SPOCK3: variants seen among roughly 807,000 people sequenced by gnomAD.
The protein encoded by SPOCK3 is SPARC (osteonectin), cwcv and kazal like domains proteoglycan 3.
SPOCK3 carries 30 observed loss-of-function variants against 56.6 expected under a neutral mutation model. The ratio of observed to expected loss-of-function variants is 0.53; its 90% CI spans 0.40 to 0.72. The LOEUF (loss-of-function observed/expected upper bound fraction) is 0.72, where lower values mean the gene tolerates loss of function less well. Ranked by LOEUF, SPOCK3 falls within the 30% of genes least tolerant of loss-of-function variation. The pLI is 0.00. For synonymous variants in SPOCK3, 196 were observed against 183.3 expected (o/e 1.07, Z -0.56); for missense variants, 527 against 530.0 (o/e 0.99, Z 0.06).
chr4:167,040,524 A>T (rs1237822020), intron 3 of SPOCK3, among the ~76,000 whole-genome samples: 1 of 152,220 alleles, frequency 6.6e-6, no homozygotes. Flanking sequence ...GCATTTCTTA[A>T]CTAATGCTTA....
intron 2 of SPOCK3, among the ~76,000 whole-genome samples, chr4:167,114,449 A>G (rs1761163281): frequency 1.3e-5 from 2 of 152,170 alleles, no homozygotes; most frequent in Admixed American, 1.3e-4. Flanking sequence ...AAGACAGCCA[A>G]GATTAAATAT....
At chr4:166,750,976 C>A (rs1388249544) in intron 8 of SPOCK3, among the ~76,000 whole-genome samples, 2 of 152,092 alleles carry the variant, frequency 1.3e-5, no homozygotes, top group Non-Finnish European at 2.9e-5. Context: ...CTGCACAACT[C>A]CAACAGGGTA....
chr4:167,001,090 A>G (rs2150128817), intron 3 of SPOCK3, among the ~76,000 whole-genome samples: 1 of 152,328 alleles, frequency 6.6e-6, no homozygotes, highest in East Asian at 1.9e-4. Flanking sequence ...GCTATGTGAA[A>G]TGTCGACGGT....
In SPOCK3 at chr4:167,058,826, C is replaced by G. The variant is rs541348615; in HGVS notation, c.235+3666G>C. On this transcript the variant is annotated intron_variant, in intron 3 of 10. Coordinates refer to ENST00000357545, the MANE Select transcript of SPOCK3 (RefSeq NM_001040159.2). ...AGATATAGATCAATGGAACAGAACA[C>G]AGCCCTCAGAAATAACGCCATGTAT... is the stretch of plus-strand genomic sequence containing the variant. Among the ~76,000 whole-genome samples the G allele has an allele frequency of 3.5e-4, 54 of 152,128 alleles. No individual in the cohort carries two copies. The Middle Eastern group carries it at 0.017, about 48-fold the overall frequency.
chr4:166,926,836 T>A (rs987352980), intron 4 of SPOCK3, among the ~76,000 whole-genome samples: 1 of 152,164 alleles, frequency 6.6e-6, no homozygotes, highest in South Asian at 2.1e-4. Context: ...GAAATACACT[T>A]AAAGGGACAA....
chr4:167,199,748 C>A (rs1012383576), intron 2 of SPOCK3, among the ~76,000 whole-genome samples: 1 of 147,280 alleles, frequency 6.8e-6, no homozygotes, highest in Non-Finnish European at 1.5e-5. Context: ...ACTTTAAGTG[C>A]CAATACAAGT....
intron 2 of SPOCK3, among the ~76,000 whole-genome samples, chr4:167,113,938 T>C (rs1211482170): frequency 6.6e-6 from 1 of 152,022 alleles, no homozygotes; most frequent in Admixed American, 6.6e-5. Flanking sequence ...TAAAGGAGGT[T>C]ATAGGACCAT....
At chr4:166,967,033 C>T (rs1744814156) in intron 4 of SPOCK3, among the ~76,000 whole-genome samples, 1 of 152,114 alleles carries the variant, frequency 6.6e-6, no homozygotes, top group South Asian at 2.1e-4. Context: ...AAATTTTGCC[C>T]TAAACTTATG....
intron 3 of SPOCK3, among the ~76,000 whole-genome samples, chr4:167,004,756 G>T (rs1048779967): frequency 6.6e-6 from 1 of 152,118 alleles, no homozygotes; most frequent in Non-Finnish European, 1.5e-5. Context: ...CGAAATAAAA[G>T]AAATGGTGTT....
intron 2 of SPOCK3, among the ~76,000 whole-genome samples, chr4:167,116,624 CATAT>C (rs1237995981): frequency 7.9e-6 from 1 of 127,094 alleles, no homozygotes; most frequent in Non-Finnish European, 1.6e-5. Flanking sequence ...TATATATATA[CATAT>C]ATACTATATA....
rs1481796665 is a variant in SPOCK3 at position 167,189,542 on chromosome 4, TTACA to T, written c.189+44439_189+44442del. 1.4e-5 allele frequency among the ~76,000 whole-genome samples: 2 copies of T among 145,638 alleles called. 1 individual carries two copies. Among genetic ancestry groups the T allele is most frequent in the East Asian group, 4.1e-4 (2 of 4,820 alleles). On this transcript the variant is annotated intron_variant, in intron 2 of 10. Transcript: ENST00000357545. ...TGTTTCAAGGTGTACAATGTGATTA[TTACA>T]TACACATTGTGAAATCTGATATGCC...
chr4:166,774,826 T>C (rs954111862), intron 7 of SPOCK3, among the ~76,000 whole-genome samples: 1 of 151,814 alleles, frequency 6.6e-6, no homozygotes, highest in Non-Finnish European at 1.5e-5. Flanking sequence ...AATCATAGCA[T>C]AGCTCTTTCC....
chr4:166,879,912 C>G (rs1320571940), intron 6 of SPOCK3, among the ~76,000 whole-genome samples: 1 of 152,106 alleles, frequency 6.6e-6, no homozygotes, highest in African/African-American at 2.4e-5. Context: ...CTCTCTCTGC[C>G]TCCTGTTCTG....
At chr4:167,221,308 C>A (rs1257818844) in intron 2 of SPOCK3, among the ~76,000 whole-genome samples, 1 of 152,074 alleles carries the variant, frequency 6.6e-6, no homozygotes, top group African/African-American at 2.4e-5. Flanking sequence ...TTTCCCGCTG[C>A]AGTGAGCTAT....
chr4:167,042,171 G>A (rs2150202638), intron 3 of SPOCK3, among the ~76,000 whole-genome samples: 1 of 152,236 alleles, frequency 6.6e-6, no homozygotes, highest in East Asian at 1.9e-4. Context: ...ATCTCCAGAA[G>A]ACACAAAAAT....
intron 2 of SPOCK3, among the ~76,000 whole-genome samples, chr4:167,204,725 G>GA (rs1367381499): frequency 7.9e-5 from 12 of 151,804 alleles, no homozygotes; most frequent in East Asian, 1.9e-4. Context: ...TGTTACATGA[G>GA]AAAAAAATCA....
At chr4:166,738,909 A>G (rs370189825) in intron 9 of SPOCK3, among the ~76,000 whole-genome samples, 1 of 151,930 alleles carries the variant, frequency 6.6e-6, no homozygotes, top group Admixed American at 6.6e-5. Flanking sequence ...TTGCTATTGT[A>G]AATAGTGCCA....
intron 6 of SPOCK3, among the ~76,000 whole-genome samples, chr4:166,876,047 A>G (rs964233941): frequency 6.6e-6 from 1 of 152,170 alleles, no homozygotes; most frequent in African/African-American, 2.4e-5. Context: ...GGCTCAGGAA[A>G]AGCACAACCT....
At chr4:166,849,157 A>C (rs1238357922) in intron 6 of SPOCK3, among the ~76,000 whole-genome samples, 2 of 152,210 alleles carry the variant, frequency 1.3e-5, no homozygotes, top group Admixed American at 1.3e-4. Context: ...AGTAGGTTAG[A>C]AAAATAGTAT....
Sources: gnomAD v4.1 joint callset for allele counts (sites outside exome capture counted in the v4.1 genomes callset) on GRCh38, gnomAD v4.1.1 for gene constraint, MANE v1.5 for transcripts, NCBI Gene and HGNC (gene_info 2026-07-23, HGNC 2026-07-21) for gene names.